The following PLEKHA5 variants were observed in gnomAD, a reference collection of about 807,000 sequenced individuals.
PLEKHA5 encodes the protein pleckstrin homology domain containing A5.
Under a neutral mutation model 181.9 loss-of-function variants are expected in PLEKHA5, and 55 were observed. The ratio of observed to expected loss-of-function variants is 0.30; its 90% CI spans 0.24 to 0.38. The LOEUF (loss-of-function observed/expected upper bound fraction) is 0.38, where lower values mean the gene tolerates loss of function less well. PLEKHA5 is among the 10% of genes least tolerant of loss of function. PLEKHA5 has a pLI of 1.00. For synonymous variants in PLEKHA5, 535 were observed against 529.4 expected (o/e 1.01, Z -0.15); for missense variants, 1,432 against 1,549.5 (o/e 0.92, Z 1.27).
At chr12:19,236,432 G>A (rs540851120) in intron 3 of PLEKHA5, among the ~76,000 whole-genome samples, 1 of 152,238 alleles carries the variant, frequency 6.6e-6, no homozygotes, top group East Asian at 1.9e-4. Context: ...GCTTAACATA[G>A]TAAGTGATCA....
intron 3 of PLEKHA5, among the ~76,000 whole-genome samples, chr12:19,208,523 C>T (rs972769888): frequency 2.0e-5 from 3 of 152,178 alleles, no homozygotes; most frequent in Non-Finnish European, 4.4e-5. Context: ...GCCCAGCCAC[C>T]TACTTTAGGG....
chr12:19,142,284 G>A (rs2037594213), intron 3 of PLEKHA5, among the ~76,000 whole-genome samples: 1 of 152,112 alleles, frequency 6.6e-6, no homozygotes, highest in South Asian at 2.1e-4. Flanking sequence ...CAGAAGGATT[G>A]CTTGAGCCCA....
rs1385595987 is a variant in PLEKHA5 at position 19,369,788 on chromosome 12, T to A, written c.*1T>A. ...AGGATCACATTTCATGTGTGTGTAG[T>A]CTTAGAAGAAGTACGTCATTTCCCT... On this transcript the variant is annotated 3_prime_UTR_variant, in exon 31 of 32. Transcript: ENST00000429027. 1 of 1,582,130 alleles carries A rather than the reference T, an allele frequency of 6.3e-7. No individual in the cohort carries two copies. The highest frequency in any genetic ancestry group is 2.2e-5 in the East Asian group (1 of 44,748).
At chr12:19,179,131 A>C (rs962920457) in intron 3 of PLEKHA5, among the ~76,000 whole-genome samples, 4 of 152,194 alleles carry the variant, frequency 2.6e-5, no homozygotes, top group Admixed American at 6.5e-5. Context: ...TAAGTTTTTC[A>C]GTTGCAGTTT....
intron 20 of PLEKHA5, among the ~76,000 whole-genome samples, chr12:19,330,607 A>T (rs2092744765): frequency 2.4e-5 from 1 of 41,098 alleles, no homozygotes; most frequent in African/African-American, 3.9e-5. Flanking sequence ...TCCTTAAATA[A>T]TTAAGCACAT....
chr12:19,305,854 T>TC (rs1263556835), intron 15 of PLEKHA5, among the ~76,000 whole-genome samples: 1 of 52,782 alleles, frequency 1.9e-5, no homozygotes, highest in Non-Finnish European at 3.2e-5. Context: ...ACAGCAAAAC[T>TC]CCATCTCAAA....
chr12:19,229,783 A>G (rs964724510), intron 3 of PLEKHA5, among the ~76,000 whole-genome samples: 19 of 151,312 alleles, frequency 1.3e-4, no homozygotes, highest in African/African-American at 3.7e-4. Context: ...CATTTTACAG[A>G]GAGCTGATTG....
intron 20 of PLEKHA5, among the ~76,000 whole-genome samples, chr12:19,323,755 G>A (rs1466335511): frequency 2.0e-5 from 3 of 149,998 alleles, no homozygotes; most frequent in African/African-American, 7.4e-5. Context: ...GGCAGAGGTT[G>A]CAGTGAGCCA....
At chr12:19,344,777 A>T (rs1487297826) in intron 22 of PLEKHA5, among the ~76,000 whole-genome samples, 7 of 152,112 alleles carry the variant, frequency 4.6e-5, no homozygotes, top group Admixed American at 2.6e-4. Context: ...TTCTGAAAAC[A>T]ATAAGTGAAT....
chr12:19,222,185 A>G (rs1394292794), intron 3 of PLEKHA5, among the ~76,000 whole-genome samples: 1 of 152,110 alleles, frequency 6.6e-6, no homozygotes, highest in East Asian at 1.9e-4. Context: ...ATTTATACAC[A>G]CGCACCCACA....
chr12:19,307,745 CAGAA>C lies in PLEKHA5; in HGVS notation c.2038-7060_2038-7057del, dbSNP rs572017746. Among the ~76,000 whole-genome samples the C allele has an allele frequency of 5.1e-3, 781 of 151,996 alleles. 9 individuals carry two copies. Among genetic ancestry groups the C allele is most frequent in the African/African-American group, 0.018 (740 of 41,424 alleles). On this transcript the variant is annotated intron_variant, in intron 15 of 31. Transcript: ENST00000429027. ...CAAGGAGCACATCAAAAACGAGAGA[CAGAA>C]AGAAAGAAGACAAAAGAAACATTCA...
In PLEKHA5 at chr12:19,345,879, CA is replaced by C; in HGVS notation, c.2705del (p.Asn902MetfsTer6). On this transcript the variant is annotated frameshift_variant, in exon 23 of 32. Coordinates refer to ENST00000429027, the MANE Select transcript of PLEKHA5 (RefSeq NM_001256470.2). LOFTEE classifies it high-confidence loss of function. ...GSKPFSTVKY[K>X]NEEEEVVPPR... is the part of the protein sequence containing the mutation. ...CAAAGCCTTTCTCAACAGTTAAGTA[CA>C]AAAATGAGGTAAGTTTGGATTGTTT... 6.8e-7 allele frequency: 1 copy of C among 1,473,840 alleles called. No individual in the cohort carries two copies. Among genetic ancestry groups the C allele is most frequent in the South Asian group, 1.2e-5 (1 of 85,284 alleles). The allele number at this position is 1,473,840 out of a possible 1,614,324, so 91.3% of individuals were successfully genotyped here.
chr12:19,165,189 C>T (rs925136484), intron 3 of PLEKHA5, among the ~76,000 whole-genome samples: 5 of 152,230 alleles, frequency 3.3e-5, no homozygotes, highest in South Asian at 2.1e-4. Context: ...GTGGAGATGA[C>T]GATCCCACCA....
At chr12:19,231,613 A>ATTTATATATGTACACATATATATGTAAAT (rs1345945535) in intron 3 of PLEKHA5, among the ~76,000 whole-genome samples, 1 of 32,456 alleles carries the variant, frequency 3.1e-5, no homozygotes, top group Non-Finnish European at 8.3e-5. Context: ...TATATATATA[A>ATTTATATATGTACACATATATATGTAAAT]ATACTCATAA....
chr12:19,228,710 A>G (rs762108644), intron 3 of PLEKHA5, among the ~76,000 whole-genome samples: 1 of 152,140 alleles, frequency 6.6e-6, no homozygotes, highest in Non-Finnish European at 1.5e-5. Flanking sequence ...TCTCACTTGT[A>G]TTTTACTTCT....
At chr12:19,333,870 G>C (rs181458230) in intron 20 of PLEKHA5, among the ~76,000 whole-genome samples, 7 of 152,060 alleles carry the variant, frequency 4.6e-5, no homozygotes, top group African/African-American at 1.7e-4. Flanking sequence ...CAGCCTCCCA[G>C]AGTGCTGAGA....
chr12:19,334,590 G>A (rs1488778903), intron 20 of PLEKHA5, among the ~76,000 whole-genome samples: 1 of 151,788 alleles, frequency 6.6e-6, no homozygotes, highest in Non-Finnish European at 1.5e-5. Flanking sequence ...AGCCATCAAA[G>A]ACCCACTATT....
At chr12:19,200,737 A>G (rs2053993166) in intron 3 of PLEKHA5, 2 of 905,268 alleles carry the variant, frequency 2.2e-6, no homozygotes, top group Admixed American at 1.2e-4. Context: ...GAGGTACCCA[A>G]GGAATTCACT....
In PLEKHA5 at chr12:19,322,534, C is replaced by A; in HGVS notation, c.2315C>A (p.Ala772Asp). Residue 772 changes from alanine (A) to aspartate (D), a missense_variant, in exon 20 of 32, where the codon GCT (alanine) becomes GAT (aspartate). By Grantham distance (126) the Ala-to-Asp change is moderately radical (BLOSUM62 -2). Transcript: ENST00000429027. ...TCATAATAGTACACGCTTGAGCAAGCTTTGCTATCAGCCAGCCAAGAGATA... is the reference window on the plus strand; with the variant it reads ...TCATAATAGTACACGCTTGAGCAAGATTTGCTATCAGCCAGCCAAGAGATA... ...LHKEKYTLEQ[A>D]LLSASQEIEM... 1 of 1,613,974 alleles carries A rather than the reference C, an allele frequency of 6.2e-7. No homozygotes were observed. Among genetic ancestry groups the A allele is most frequent in the South Asian group, 1.1e-5 (1 of 91,082 alleles).
Sources: gnomAD v4.1 joint callset for allele counts (sites outside exome capture counted in the v4.1 genomes callset) on GRCh38, gnomAD v4.1.1 for gene constraint, MANE v1.5 for transcripts, NCBI Gene and HGNC (gene_info 2026-07-23, HGNC 2026-07-21) for gene names.